PEAK1: variants seen among roughly 807,000 people sequenced by gnomAD.
PEAK1 encodes inactive tyrosine-protein kinase PEAK1.
PEAK1 carries 54 observed loss-of-function variants against 124.7 expected under a neutral mutation model. The ratio of observed to expected loss-of-function variants is 0.43; its 90% CI spans 0.35 to 0.54. PEAK1 has a LOEUF of 0.54. Ranked by LOEUF, PEAK1 falls within the 20% of genes least tolerant of loss-of-function variation. PEAK1 has a pLI of 0.01. For synonymous variants in PEAK1, 719 were observed against 760.0 expected (o/e 0.95, Z 0.89); for missense variants, 2,046 against 2,134.5 (o/e 0.96, Z 0.82).
intron 8 of PEAK1, among the ~76,000 whole-genome samples, chr15:77,154,460 T>C (rs895916478): frequency 3.3e-5 from 5 of 152,242 alleles, no homozygotes; most frequent in African/African-American, 4.8e-5. Flanking sequence ...CTGTGTCTTT[T>C]AATTGGAGCA....
intron 6 of PEAK1, among the ~76,000 whole-genome samples, chr15:77,196,883 T>C (rs745511418): frequency 6.6e-6 from 1 of 152,198 alleles, no homozygotes; most frequent in Non-Finnish European, 1.5e-5. Flanking sequence ...AGGGTCTCAC[T>C]CTGTCACTCA....
chr15:77,260,809 C>T (rs192128883), intron 5 of PEAK1, among the ~76,000 whole-genome samples: 16 of 152,258 alleles, frequency 1.1e-4, no homozygotes, highest in African/African-American at 2.2e-4. Context: ...GATCTGAGAA[C>T]GGACAGACTG....
chr15:77,129,073 C>T (rs965889504), intron 9 of PEAK1, among the ~76,000 whole-genome samples: 1 of 152,122 alleles, frequency 6.6e-6, no homozygotes, highest in African/African-American at 2.4e-5. Context: ...AGCATAGGGC[C>T]CTGATACAAT....
chr15:77,193,629 C>T (rs1016087795), intron 6 of PEAK1, among the ~76,000 whole-genome samples: 7 of 152,154 alleles, frequency 4.6e-5, no homozygotes, highest in African/African-American at 1.7e-4. Context: ...CATGGCGAAA[C>T]CCCGTCTCTA....
intron 1 of PEAK1, chr15:77,418,493 T>C (rs2073072649): frequency 4.1e-6 from 4 of 985,074 alleles, no homozygotes; most frequent in Non-Finnish European, 4.8e-6. Flanking sequence ...TCACTAGCAA[T>C]GCTATGACTT....
At chr15:77,392,790 T>C (rs2070584042) in intron 1 of PEAK1, among the ~76,000 whole-genome samples, 1 of 152,156 alleles carries the variant, frequency 6.6e-6, no homozygotes, top group African/African-American at 2.4e-5. Context: ...ATTGAACAAC[T>C]ATCCACACAA....
Position 77,144,547 on chromosome 15 carries a change from G to C in PEAK1, c.3332-10797C>G, listed in dbSNP as rs2054032255. Reference sequence around the variant, plus strand: ...ATGCAGTAAGTGGCTGCTGGACTGAGAGACAGAGTCAACAGAGTTGGTCAT... The same window carrying C: ...ATGCAGTAAGTGGCTGCTGGACTGACAGACAGAGTCAACAGAGTTGGTCAT... On this transcript the variant is annotated intron_variant, in intron 8 of 9. Coordinates refer to ENST00000682557, the MANE Select transcript of PEAK1 (RefSeq NM_001385026.1). Among the ~76,000 whole-genome samples, 4 of 152,244 alleles carry C rather than the reference G, an allele frequency of 2.6e-5. No homozygotes were observed. In the South Asian group the frequency reaches 8.3e-4, roughly 32 times the overall value.
chr15:77,147,722 A>G (rs1314185237), intron 8 of PEAK1, among the ~76,000 whole-genome samples: 1 of 152,220 alleles, frequency 6.6e-6, no homozygotes, highest in Non-Finnish European at 1.5e-5. Context: ...CACCACCCAG[A>G]GTAAAATCAT....
intron 6 of PEAK1, among the ~76,000 whole-genome samples, chr15:77,235,207 A>G (rs536319332): frequency 6.6e-6 from 1 of 152,128 alleles, no homozygotes; most frequent in Non-Finnish European, 1.5e-5. Context: ...TACCAAGGTC[A>G]CAGGGGACTG....
intron 1 of PEAK1, among the ~76,000 whole-genome samples, chr15:77,407,847 T>C (rs1286312523): frequency 6.6e-6 from 1 of 151,910 alleles, no homozygotes; most frequent in Non-Finnish European, 1.5e-5. Context: ...CAAAAAAATA[T>C]GGAGCCAGCT....
chr15:77,189,470 C>T (rs1448898472), intron 6 of PEAK1, among the ~76,000 whole-genome samples: 8 of 152,168 alleles, frequency 5.3e-5, no homozygotes, highest in Non-Finnish European at 1.2e-4. Context: ...GCACTGTCCA[C>T]CATAGTGGAA....
At chr15:77,278,662 G>T (rs1005160650) in intron 5 of PEAK1, 3 of 522,360 alleles carry the variant, frequency 5.7e-6, no homozygotes, top group Middle Eastern at 5.0e-4. Context: ...GCAAGGAGGG[G>T]AATAAGCCTG....
At chr15:77,204,977 A>G in intron 6 of PEAK1, 1 of 192,986 alleles carries the variant, frequency 5.2e-6, no homozygotes, top group Non-Finnish European at 1.1e-5. Context: ...GAACAAAGGG[A>G]AAACAGGCCA....
At chr15:77,200,051 G>T (rs2058287589) in intron 6 of PEAK1, among the ~76,000 whole-genome samples, 1 of 152,114 alleles carries the variant, frequency 6.6e-6, no homozygotes, top group Non-Finnish European at 1.5e-5. Flanking sequence ...TACATCAAGT[G>T]GGCCTATCTT....
chr15:77,150,682 TC>T (rs1488218695), intron 8 of PEAK1, among the ~76,000 whole-genome samples: 6 of 118,814 alleles, frequency 5.0e-5, no homozygotes, highest in Admixed American at 3.1e-4. Flanking sequence ...CCCACAACAT[TC>T]CCCGGAGTGT....
chr15:77,349,747 A>C, intron 2 of PEAK1: 1 of 985,188 alleles, frequency 1.0e-6, no homozygotes, highest in Non-Finnish European at 1.2e-6. Flanking sequence ...TCTTAGACTT[A>C]AGTTGAGATG....
intron 2 of PEAK1, chr15:77,337,387 A>G (rs995528567): frequency 1.8e-5 from 17 of 943,130 alleles, no homozygotes; most frequent in Non-Finnish European, 2.0e-5. Context: ...TAATCATTGA[A>G]GATTATAATA....
chr15:77,198,064 G>A (rs1189946689), intron 6 of PEAK1, among the ~76,000 whole-genome samples: 2 of 151,964 alleles, frequency 1.3e-5, no homozygotes, highest in Admixed American at 6.6e-5. Flanking sequence ...ACTTAAATGA[G>A]AGAAATGTAA....
chr15:77,268,413 G>T (rs1270434619), intron 5 of PEAK1, among the ~76,000 whole-genome samples: 1 of 151,800 alleles, frequency 6.6e-6, no homozygotes. Context: ...GGCAGAGGAC[G>T]CAGTGAGCTG....
Sources: allele counts gnomAD v4.1 joint callset (sites outside exome capture counted in the v4.1 genomes callset), GRCh38; gene constraint gnomAD v4.1.1; transcripts MANE v1.5; gene names NCBI Gene and HGNC (gene_info 2026-07-23, HGNC 2026-07-21).